The following VPS13C variants were observed in gnomAD, a reference collection of about 807,000 sequenced individuals.
VPS13C encodes the protein vacuolar protein sorting 13 homolog C.
In VPS13C, 358 loss-of-function variants were observed where a neutral mutation model predicts 456.8. That is an observed-to-expected ratio of 0.78 (90% CI 0.72 to 0.86). VPS13C has a LOEUF of 0.86. VPS13C is among the 40% of genes least tolerant of loss of function. The pLI, the probability that VPS13C is intolerant of heterozygous loss-of-function variation, is 0.00. For missense variants in VPS13C, 4,818 were observed against 4,385.4 expected (o/e 1.10, Z -2.79); for synonymous variants, 1,578 against 1,486.7 (o/e 1.06, Z -1.41).
At chr15:61,897,771 G>A (rs534476432) in intron 66 of VPS13C, among the ~76,000 whole-genome samples, 10 of 152,142 alleles carry the variant, frequency 6.6e-5, no homozygotes, top group Admixed American at 2.6e-4. Context: ...GATACTCCTC[G>A]AGAAGAGCAA....
intron 67 of VPS13C, among the ~76,000 whole-genome samples, chr15:61,886,323 A>C (rs1331600655): frequency 2.0e-5 from 3 of 152,104 alleles, no homozygotes; most frequent in Non-Finnish European, 4.4e-5. Context: ...CTTAGTTTGG[A>C]AACTATACTG....
chr15:61,962,315 T>A, intron 34 of VPS13C, 56 bp downstream of exon 34: 1 of 1,461,782 alleles, frequency 6.8e-7, no homozygotes, highest in Admixed American at 2.1e-5. Flanking sequence ...ATCATAATTA[T>A]CACACTTTTA....
rs142915362 is a variant in VPS13C at position 61,873,247 on chromosome 15, C to T, written c.10577G>A (p.Arg3526Gln). 3.7e-6 allele frequency: 6 copies of T among 1,613,126 alleles called. No homozygotes were observed. Among genetic ancestry groups the T allele is most frequent in the Admixed American group, 1.7e-5 (1 of 59,922 alleles). Reference sequence around the variant, plus strand: ...TTAAAGATTCAGCAAAGAACTTACTCGCAGAAAGCCCTTTCCTCCTCTGGC... The same window carrying T: ...TTAAAGATTCAGCAAAGAACTTACTTGCAGAAAGCCCTTTCCTCCTCTGGC... ...SLARGGKGFL[R>Q]GVVGGVTGII... Residue 3526 changes from arginine to glutamine, a missense_variant and splice_region_variant, in exon 78 of 85, where the codon CGA becomes CAA. Physicochemically the swap from Arg to Gln is conservative, Grantham distance 43 (BLOSUM62 1). Coordinates refer to ENST00000644861, the MANE Select transcript of VPS13C (RefSeq NM_020821.3).
chr15:61,893,555 G>C (rs573950601), intron 66 of VPS13C, among the ~76,000 whole-genome samples: 174 of 150,828 alleles, frequency 1.2e-3, no homozygotes, highest in African/African-American at 4.0e-3. Flanking sequence ...TAACTCACTG[G>C]TAAAACTAAG....
At position 61,858,176 on chromosome 15, in the gene VPS13C, G is replaced by A. The variant is rs1291866929; in HGVS notation, c.10953-1767C>T. On this transcript the variant is annotated intron_variant, in intron 82 of 84. Transcript: ENST00000644861. This position sits in a 1 kb window ranked among gnomAD's most constrained non-coding sequence, Gnocchi z 4.4. ...TCTTTACCATCCCAATAATACTACCGTTCTCCTTCCACCTAGAATGTCTCC... is the reference window on the plus strand; with the variant it reads ...TCTTTACCATCCCAATAATACTACCATTCTCCTTCCACCTAGAATGTCTCC... Among the ~76,000 whole-genome samples the A allele has an allele frequency of 4.6e-5, 7 of 151,792 alleles. No homozygotes were observed. Among genetic ancestry groups the A allele is most frequent in the African/African-American group, 1.2e-4 (5 of 41,274 alleles).
chr15:62,005,838 G>C (rs2046816643), intron 15 of VPS13C, among the ~76,000 whole-genome samples: 1 of 151,820 alleles, frequency 6.6e-6, no homozygotes, highest in Non-Finnish European at 1.5e-5. Flanking sequence ...GAGTAACTGG[G>C]ATTACGGGTG....
At chr15:61,872,909 C>G (rs140336127) in intron 78 of VPS13C, among the ~76,000 whole-genome samples, 3 of 152,154 alleles carry the variant, frequency 2.0e-5, no homozygotes, top group Non-Finnish European at 2.9e-5. Flanking sequence ...TTCACACATC[C>G]CTTCCACAGA....
At chr15:61,990,929 G>GT (rs1457934206) in intron 18 of VPS13C, 71 bp downstream of exon 18, 2 of 1,005,582 alleles carry the variant, frequency 2.0e-6, no homozygotes, top group Non-Finnish European at 3.0e-6. Flanking sequence ...AAAAAAATCA[G>GT]TAAGTCTAAT....
intron 35 of VPS13C, among the ~76,000 whole-genome samples, chr15:61,961,340 C>T (rs1055470951): frequency 1.3e-5 from 2 of 149,532 alleles, no homozygotes; most frequent in Non-Finnish European, 3.0e-5. Flanking sequence ...TGCAGTGAGC[C>T]GAGATCACGC....
At position 61,863,514 on chromosome 15, in the gene VPS13C, C is replaced by A. The variant is rs758441816; in HGVS notation, c.10878G>T (p.Lys3626Asn). ...GGTATCGGTAAGTCTCTCCTTCCAA[C>A]TTTTTGATATGATTCTGAAAAGGAA... ...GSDLLENHIKKLEGETYRYHC... is the reference protein window; with the variant it reads ...GSDLLENHIKNLEGETYRYHC... Residue 3626 changes from lysine (K) to asparagine (N), a missense_variant, in exon 82 of 85, where the codon AAG becomes AAT. Around this residue, in one of 3 missense-constraint regions of VPS13C, gnomAD observed 261 missense variants for 234.1 expected, o/e 1.11. Transcript: ENST00000644861. 1.2e-6 allele frequency: 2 copies of A among 1,612,466 alleles called. No homozygotes were observed. The highest frequency in any genetic ancestry group is 1.7e-6 in the Non-Finnish European group (2 of 1,179,058).
In VPS13C at chr15:61,911,855, A is replaced by T. The variant is rs754008293; in HGVS notation, c.8700T>A (p.Tyr2900Ter). The change falls in exon 63 of 85, where the codon TAT (tyrosine) becomes TAA (stop). Residue 2900 changes from tyrosine to a stop codon, truncating the protein, a stop_gained. Coordinates refer to ENST00000644861, the MANE Select transcript of VPS13C (RefSeq NM_020821.3). LOFTEE classifies it high-confidence loss of function. ...DGSMPTNKWNYIASSECLPFW... is the reference protein window; with the variant it reads ...DGSMPTNKWN ...AAAATGCTACCTCTGAAGAAGCAAT[A>T]TAGTTCCATTTATTAGTTGGCATTG... 2 of 1,610,056 alleles carry T rather than the reference A, an allele frequency of 1.2e-6. No homozygotes were observed. Among genetic ancestry groups the T allele is most frequent in the Non-Finnish European group, 1.7e-6 (2 of 1,178,186 alleles).
intron 15 of VPS13C, among the ~76,000 whole-genome samples, chr15:62,006,128 A>C (rs1055236484): frequency 6.6e-6 from 1 of 150,872 alleles, no homozygotes; most frequent in African/African-American, 2.4e-5. Context: ...TTATACTTTA[A>C]GTTCTAGGGT....
At chr15:61,912,624 C>T (rs1357397962) in intron 62 of VPS13C, among the ~76,000 whole-genome samples, 2 of 144,260 alleles carry the variant, frequency 1.4e-5, no homozygotes, top group East Asian at 4.1e-4. Flanking sequence ...TTTCGGTACA[C>T]TTTAGGAGCC....
intron 16 of VPS13C, among the ~76,000 whole-genome samples, chr15:61,998,599 C>CG (rs1245319723): frequency 3.3e-5 from 5 of 152,158 alleles, no homozygotes; most frequent in African/African-American, 1.2e-4. Context: ...AGGGGTCAAA[C>CG]GGCCCAAAAT....
chr15:61,920,883 C>T (rs1377469419), intron 55 of VPS13C, among the ~76,000 whole-genome samples: 2 of 152,044 alleles, frequency 1.3e-5, no homozygotes, highest in Non-Finnish European at 2.9e-5. Context: ...TACTCAAAGC[C>T]AGCTACAATA....
In VPS13C at chr15:61,961,581, G is replaced by A. The variant is rs1266844912; in HGVS notation, c.3908+8C>T. 6.5e-7 allele frequency: 1 copy of A among 1,545,394 alleles called. No homozygotes were observed. Among genetic ancestry groups the A allele is most frequent in the Non-Finnish European group, 8.7e-7 (1 of 1,148,960 alleles). ...ATATTTAAATCCATAATTATTGAAA[G>A]AGCATACCTATAAAGTGTAAGCTTT... is the stretch of plus-strand genomic sequence containing the variant. On this transcript the variant is annotated splice_region_variant and intron_variant, in intron 35 of 84. Transcript: ENST00000644861.
chr15:62,053,371 T>G (rs891012388), intron 1 of VPS13C, among the ~76,000 whole-genome samples: 1 of 152,186 alleles, frequency 6.6e-6, no homozygotes, highest in African/African-American at 2.4e-5. Context: ...GACAATATAT[T>G]ACAGTATATT....
chr15:61,938,354 A>C (rs2140247360), intron 47 of VPS13C, among the ~76,000 whole-genome samples: 2 of 152,226 alleles, frequency 1.3e-5, no homozygotes, highest in East Asian at 3.9e-4. Flanking sequence ...CACCCAAAAC[A>C]ACCTGTAGGT....
chr15:61,934,620 T>C (rs889882766), intron 48 of VPS13C, among the ~76,000 whole-genome samples: 1 of 152,184 alleles, frequency 6.6e-6, no homozygotes, highest in African/African-American at 2.4e-5. Context: ...GACACCTAAC[T>C]GGCTACAAGC....
Sources: gnomAD v4.1 joint callset for allele counts (sites outside exome capture counted in the v4.1 genomes callset) on GRCh38, gnomAD v4.1.1 for gene constraint, gnomAD v4.1.1 regional missense constraint, Gnocchi (gnomAD v3.1) non-coding constraint, MANE v1.5 for transcripts, NCBI Gene and HGNC (gene_info 2026-07-23, HGNC 2026-07-21) for gene names.